SYNJ1: variants seen among roughly 807,000 people sequenced by gnomAD.
SYNJ1 encodes the protein synaptojanin 1, also known as polyphosphatidylinositol phosphatase SYNJ1.
Under a neutral mutation model 168.2 loss-of-function variants are expected in SYNJ1, and 78 were observed. The observed-to-expected ratio is 0.46, with a 90% CI of 0.39 to 0.56. The LOEUF (loss-of-function observed/expected upper bound fraction) is 0.56. Among genes scored for constraint, SYNJ1 ranks in the 20% least tolerant of loss-of-function variants. The pLI, the probability that SYNJ1 is intolerant of heterozygous loss-of-function variation, is 0.00. For synonymous variants in SYNJ1, 539 were observed against 548.6 expected (o/e 0.98, Z 0.24); for missense variants, 1,303 against 1,597.6 (o/e 0.82, Z 3.14).
chr21:32,706,496 CAAA>C (rs762399267), intron 2 of SYNJ1, among the ~76,000 whole-genome samples: 14 of 81,496 alleles, frequency 1.7e-4, no homozygotes, highest in Admixed American at 3.9e-4. Context: ...AGTTCTGGGG[CAAA>C]AAAAAAAAAA....
Position 32,666,422 on chromosome 21 carries a change from T to C in SYNJ1, c.1952+11A>G. The C allele has an allele frequency of 6.2e-7, 1 of 1,611,012 alleles. No homozygotes were observed. The highest frequency in any genetic ancestry group is 1.1e-5 in the South Asian group (1 of 90,092). ...AGGAAGTAGCCTTAGAGGAGTGTTCTGTTTACTGACCTGATAAAAGGAGCA... is the reference window on the plus strand; with the variant it reads ...AGGAAGTAGCCTTAGAGGAGTGTTCCGTTTACTGACCTGATAAAAGGAGCA... On this transcript the variant is annotated intron_variant, in intron 16 of 32. Coordinates refer to ENST00000674351, the MANE Select transcript of SYNJ1 (RefSeq NM_203446.3).
intron 23 of SYNJ1, among the ~76,000 whole-genome samples, chr21:32,648,717 C>A (rs2040164732): frequency 3.9e-5 from 6 of 152,152 alleles, no homozygotes; most frequent in Admixed American, 3.9e-4. Context: ...TCCTATTGGC[C>A]AAAGTTATAT....
rs1034062448 is a variant in SYNJ1, at chr21:32,645,677, C to T, written c.3360G>A (p.Pro1120=). The change falls in exon 25 of 33, where the codon CCG becomes CCA. Residue 1120 remains proline, a synonymous_variant. Coordinates refer to ENST00000674351, the MANE Select transcript of SYNJ1 (RefSeq NM_203446.3). ...PPRPVAPPTR[P]APPQRPPPPS... Reference sequence around the variant, plus strand: ...GCGGAGGAGGTCTCTGTGGGGGAGCCGGGCGTGTGGGAGGGGCGACCGGGC... The same window carrying T: ...GCGGAGGAGGTCTCTGTGGGGGAGCTGGGCGTGTGGGAGGGGCGACCGGGC... 6 of 1,515,162 alleles carry T rather than the reference C, an allele frequency of 4.0e-6. No homozygotes were observed. In the African/African-American group the frequency reaches 4.2e-5, roughly 11 times the overall value. 93.9% of individuals were successfully genotyped at this position (1,515,162 alleles called of 1,614,324 possible).
chr21:32,653,206 T>C (rs2040338000), intron 22 of SYNJ1, 82 bp downstream of exon 22: 1 of 1,098,028 alleles, frequency 9.1e-7, no homozygotes, highest in South Asian at 1.4e-5. Context: ...TTAGATAATC[T>C]TGCTGCATGT....
At chr21:32,725,333 C>A (rs1748604935) in intron 2 of SYNJ1, among the ~76,000 whole-genome samples, 1 of 152,068 alleles carries the variant, frequency 6.6e-6, no homozygotes, top group South Asian at 2.1e-4. Flanking sequence ...TATAAGAATT[C>A]CACTTGTAGT....
At position 32,701,956 on chromosome 21, in the gene SYNJ1, C is replaced by A; in HGVS notation, c.211+5G>T. 6.5e-7 allele frequency: 1 copy of A among 1,529,186 alleles called. No homozygotes were observed. The highest frequency in any genetic ancestry group is 2.3e-5 in the East Asian group (1 of 43,512). 94.7% of individuals were successfully genotyped at this position (1,529,186 alleles called of 1,614,324 possible). On this transcript the variant is annotated splice_donor_5th_base_variant and intron_variant, in intron 3 of 32. Transcript: ENST00000674351. Reference sequence around the variant, plus strand: ...TGGATGAATTCTACTGAATGATAAACTTACCAAGATTTAACCGCAGAACAC... The same window carrying A: ...TGGATGAATTCTACTGAATGATAAAATTACCAAGATTTAACCGCAGAACAC...
At chr21:32,641,824 G>GT in intron 29 of SYNJ1, 72 bp downstream of exon 29, 1 of 1,158,086 alleles carries the variant, frequency 8.6e-7, no homozygotes, top group Non-Finnish European at 1.2e-6. Context: ...TTTCTCCAAG[G>GT]TAACAAAACT....
At chr21:32,719,543 G>A (rs942752184) in intron 2 of SYNJ1, among the ~76,000 whole-genome samples, 24 of 151,894 alleles carry the variant, frequency 1.6e-4, no homozygotes, top group African/African-American at 5.1e-4. Context: ...GTGAAACCCC[G>A]TCTCTACTAA....
intron 6 of SYNJ1, among the ~76,000 whole-genome samples, chr21:32,690,242 T>C (rs2041973295): frequency 6.6e-6 from 1 of 152,230 alleles, no homozygotes; most frequent in Admixed American, 6.5e-5. Context: ...AGGGTCTCAC[T>C]CTGTAACCAT....
At chr21:32,638,373 T>C (rs1373904068) in intron 31 of SYNJ1, among the ~76,000 whole-genome samples, 1 of 152,196 alleles carries the variant, frequency 6.6e-6, no homozygotes, top group Admixed American at 6.5e-5. Context: ...AAGAGTTTAA[T>C]GAGATACTTT....
chr21:32,651,269 T>C (rs1163937803), intron 22 of SYNJ1, among the ~76,000 whole-genome samples: 1 of 152,248 alleles, frequency 6.6e-6, no homozygotes, highest in East Asian at 1.9e-4. Context: ...TATTTGCAAA[T>C]GAACTGTGTA....
At chr21:32,722,342 C>T (rs555332713) in intron 2 of SYNJ1, among the ~76,000 whole-genome samples, 2 of 151,544 alleles carry the variant, frequency 1.3e-5, no homozygotes, top group African/African-American at 4.8e-5. Flanking sequence ...CTTGAGTTCA[C>T]GAGTTCAGAT....
intron 2 of SYNJ1, among the ~76,000 whole-genome samples, chr21:32,722,204 A>AT (rs1569138999): frequency 0.041 from 2,865 of 70,258 alleles, 21 homozygotes; most frequent in Non-Finnish European, 0.06. Context: ...AAAAAAAAAA[A>AT]AATATATATA....
chr21:32,716,145 C>T (rs569812546), intron 2 of SYNJ1, among the ~76,000 whole-genome samples: 57 of 152,162 alleles, frequency 3.7e-4, no homozygotes, highest in Non-Finnish European at 6.3e-4. Context: ...AAAAATCATG[C>T]ACAATTTTTA....
In SYNJ1 at chr21:32,634,817, G is replaced by A; in HGVS notation, c.*3+44C>T. 3 of 1,603,714 alleles carry A rather than the reference G, an allele frequency of 1.9e-6. No homozygotes were observed. The South Asian group carries it at 3.3e-5, about 18-fold the overall frequency. On this transcript the variant is annotated intron_variant, in intron 32 of 32. Transcript: ENST00000674351. Reference sequence around the variant, plus strand: ...CAGAGATTCATACATCTAATGTGTTGAGACGGATGAAAACACATGTAAGAT... The same window carrying A: ...CAGAGATTCATACATCTAATGTGTTAAGACGGATGAAAACACATGTAAGAT...
intron 2 of SYNJ1, among the ~76,000 whole-genome samples, chr21:32,720,175 G>T (rs1569136594): frequency 6.6e-6 from 1 of 152,130 alleles, no homozygotes; most frequent in Non-Finnish European, 1.5e-5. Flanking sequence ...GGAGGCAGAG[G>T]TTGCAGTGAG....
chr21:32,727,706 C>A lies in SYNJ1; in HGVS notation c.-23+240G>T, dbSNP rs2043532772. ...CCCCGGCGCCCAGGCGGATTCGGTT[C>A]GTTCCCGCGGGCGGGCTGACAGCCG... On this transcript the variant is annotated intron_variant, in intron 1 of 32. Coordinates refer to ENST00000674351, the MANE Select transcript of SYNJ1 (RefSeq NM_203446.3). 5.9e-6 allele frequency: 5 copies of A among 852,594 alleles called. 1 individual carries two copies. The South Asian group carries it at 9.6e-5, about 16-fold the overall frequency. 52.8% of individuals were successfully genotyped at this position (852,594 alleles called of 1,614,324 possible).
intron 2 of SYNJ1, among the ~76,000 whole-genome samples, chr21:32,714,144 C>T (rs1331076266): frequency 6.6e-6 from 1 of 152,080 alleles, no homozygotes; most frequent in African/African-American, 2.4e-5. Context: ...GCAGACGGAA[C>T]AGCATATGTA....
At chr21:32,685,659 T>C in intron 9 of SYNJ1, 89 bp downstream of exon 9, 2 of 929,466 alleles carry the variant, frequency 2.2e-6, no homozygotes, top group Admixed American at 3.9e-5. Flanking sequence ...TAAACTTTAA[T>C]TTTAAAAAGA....
Sources: allele counts gnomAD v4.1 joint callset (sites outside exome capture counted in the v4.1 genomes callset), GRCh38; gene constraint gnomAD v4.1.1; transcripts MANE v1.5; gene names NCBI Gene and HGNC (gene_info 2026-07-23, HGNC 2026-07-21).